Variants in B3GALT1 observed in about 807,000 individuals in gnomAD.
B3GALT1 encodes the protein beta-1,3-galactosyltransferase 1, also known as UDP-Gal:betaGlcNAc beta 1,3-galactosyltransferase, polypeptide 1.
B3GALT1 carries 10 observed loss-of-function variants against 23.2 expected under a neutral mutation model. That is an observed-to-expected ratio of 0.43 (90% CI 0.27 to 0.73). The LOEUF is 0.73. Among genes scored for constraint, B3GALT1 ranks in the 30% least tolerant of loss-of-function variants. The pLI is 0.21. For missense variants in B3GALT1, 299 were observed against 405.4 expected, an observed-to-expected ratio of 0.74 and a Z score of 2.25; for synonymous variants, 156 against 141.5, an observed-to-expected ratio of 1.10 and a Z score of -0.73.
At chr2:167,366,065 C>T (rs935578164) in intron 1 of B3GALT1, among the ~76,000 whole-genome samples, 3 of 152,122 alleles carry the variant, frequency 2.0e-5, no homozygotes, top group African/African-American at 7.2e-5. Flanking sequence ...ATCAAAGATG[C>T]ACTGTAAAGT....
At chr2:167,817,296 G>A (rs1689014237) in intron 3 of B3GALT1, among the ~76,000 whole-genome samples, 2 of 152,152 alleles carry the variant, frequency 1.3e-5, no homozygotes, top group African/African-American at 2.4e-5. Context: ...CAGATAATAC[G>A]TATAAGTAAC....
At chr2:167,639,869 T>C (rs1242126584) in intron 2 of B3GALT1, among the ~76,000 whole-genome samples, 2 of 152,140 alleles carry the variant, frequency 1.3e-5, no homozygotes, top group Non-Finnish European at 1.5e-5. Flanking sequence ...CTCAATTCCA[T>C]ACTTCCTTGA....
intron 3 of B3GALT1, among the ~76,000 whole-genome samples, chr2:167,690,514 A>G (rs572147527): frequency 1.3e-5 from 2 of 152,142 alleles, no homozygotes; most frequent in South Asian, 4.1e-4. Context: ...TTCTATTACA[A>G]GAAAGTCTTT....
chr2:167,441,760 G>A (rs1698896803), intron 1 of B3GALT1, among the ~76,000 whole-genome samples: 1 of 151,856 alleles, frequency 6.6e-6, no homozygotes, highest in East Asian at 1.9e-4. Context: ...GGGCAGGGGG[G>A]CATGCACCTG....
chr2:167,304,723 AAGAGAG>A (rs369052037), intron 1 of B3GALT1, among the ~76,000 whole-genome samples: 1 of 152,060 alleles, frequency 6.6e-6, no homozygotes, highest in East Asian at 1.9e-4. Flanking sequence ...GAGACAGAGA[AAGAGAG>A]AGAGATTCTA....
At chr2:167,742,582 A>G (rs1279691794) in intron 3 of B3GALT1, among the ~76,000 whole-genome samples, 2 of 152,210 alleles carry the variant, frequency 1.3e-5, no homozygotes, top group Non-Finnish European at 2.9e-5. Context: ...ATCACAGCAG[A>G]AAGATGACTA....
chr2:167,689,617 A>C (rs1346245637), intron 3 of B3GALT1, among the ~76,000 whole-genome samples: 1 of 152,102 alleles, frequency 6.6e-6, no homozygotes, highest in Admixed American at 6.6e-5. Flanking sequence ...TAAGGTTGGA[A>C]GCAGAGGACT....
At chr2:167,351,916 A>G (rs1697314053) in intron 1 of B3GALT1, among the ~76,000 whole-genome samples, 1 of 151,662 alleles carries the variant, frequency 6.6e-6, no homozygotes, top group Non-Finnish European at 1.5e-5. Context: ...GGTGAACAAC[A>G]GAATCTTCCA....
At chr2:167,689,015 T>C (rs1213317063) in intron 3 of B3GALT1, among the ~76,000 whole-genome samples, 18 of 152,138 alleles carry the variant, frequency 1.2e-4, no homozygotes, top group Admixed American at 1.2e-3. Context: ...TTAAATACTT[T>C]TTAGAAAATT....
intron 1 of B3GALT1, among the ~76,000 whole-genome samples, chr2:167,336,338 T>G (rs1697057057): frequency 6.6e-6 from 1 of 152,268 alleles, no homozygotes; most frequent in Non-Finnish European, 1.5e-5. Flanking sequence ...CTTTTATGGT[T>G]TACCCAGGAA....
chr2:167,567,261 A>G (rs1684189023), intron 2 of B3GALT1, among the ~76,000 whole-genome samples: 1 of 152,224 alleles, frequency 6.6e-6, no homozygotes, highest in Admixed American at 6.5e-5. Flanking sequence ...TTAATCTGCA[A>G]GAATGTAGAT....
At chr2:167,554,144 A>G (rs563265282) in intron 2 of B3GALT1, among the ~76,000 whole-genome samples, 5 of 152,310 alleles carry the variant, frequency 3.3e-5, no homozygotes, top group South Asian at 2.1e-4. Context: ...TGAACAAGCA[A>G]TTTCCCTAAA....
Position 167,817,954 on chromosome 2 carries a change from G to A in B3GALT1, c.-351-718G>A, listed in dbSNP as rs969018752. Among the ~76,000 whole-genome samples, 7 of 152,290 alleles carry A rather than the reference G, an allele frequency of 4.6e-5. No homozygotes were observed. In the East Asian group the frequency reaches 1.2e-3, roughly 25 times the overall value. On this transcript the variant is annotated intron_variant, in intron 3 of 4. Coordinates refer to ENST00000392690, the MANE Select transcript of B3GALT1 (RefSeq NM_020981.4). ...CATAAGTGACACTAAAAGGTCTTAA[G>A]TGAAAGGGAAGGTGCGCATGCCTAA...
intron 3 of B3GALT1, among the ~76,000 whole-genome samples, chr2:167,728,382 A>G (rs1687352969): frequency 6.6e-6 from 1 of 152,180 alleles, no homozygotes; most frequent in South Asian, 2.1e-4. Flanking sequence ...GTGAGACTCC[A>G]TCAAAATAAA....
intron 1 of B3GALT1, among the ~76,000 whole-genome samples, chr2:167,320,135 T>C (rs1237640622): frequency 6.6e-6 from 1 of 151,918 alleles, no homozygotes; most frequent in East Asian, 1.9e-4. Flanking sequence ...ATTATGAATT[T>C]ATTAAGTGTT....
intron 2 of B3GALT1, among the ~76,000 whole-genome samples, chr2:167,523,454 T>C (rs1440896357): frequency 6.6e-6 from 1 of 151,794 alleles, no homozygotes. Flanking sequence ...GACGGAGTTT[T>C]TGCTCCTGTC....
At chr2:167,570,963 C>G (rs1684283337) in intron 2 of B3GALT1, among the ~76,000 whole-genome samples, 1 of 151,956 alleles carries the variant, frequency 6.6e-6, no homozygotes, top group Non-Finnish European at 1.5e-5. Context: ...CAAGTATAGA[C>G]TTTTCGATTC....
chr2:167,837,544 A>T (rs1355675648), intron 4 of B3GALT1, among the ~76,000 whole-genome samples: 1 of 151,122 alleles, frequency 6.6e-6, no homozygotes. Flanking sequence ...TGAGTGACCT[A>T]CAAAGAGACT....
intron 3 of B3GALT1, among the ~76,000 whole-genome samples, chr2:167,716,223 A>AC (rs946241910): frequency 5.3e-5 from 8 of 151,676 alleles, no homozygotes; most frequent in Non-Finnish European, 8.8e-5. Flanking sequence ...GAATGCGGGC[A>AC]CCCCCCACAG....
Sources: gnomAD v4.1 joint callset for allele counts (sites outside exome capture counted in the v4.1 genomes callset) on GRCh38, gnomAD v4.1.1 for gene constraint, MANE v1.5 for transcripts, NCBI Gene and HGNC (gene_info 2026-07-23, HGNC 2026-07-21) for gene names.